Variants in KLRG1 observed in about 807,000 individuals in gnomAD.
The protein encoded by KLRG1 is killer cell lectin-like receptor subfamily G member 1.
A neutral mutation model predicts 21.8 loss-of-function variants in KLRG1; 16 were observed. That is an observed-to-expected ratio of 0.73 (90% CI 0.50 to 1.11). The LOEUF is 1.11. Among genes scored for constraint, KLRG1 ranks in the 50% most tolerant of loss-of-function variants. The pLI, the probability that KLRG1 is intolerant of heterozygous loss-of-function variation, is 0.00. For synonymous variants in KLRG1, 69 were observed against 75.9 expected (o/e 0.91, Z 0.47); for missense variants, 173 against 218.3 (o/e 0.79, Z 1.31).
chr12:9,205,111 G>T, the KLRG1 span, among the ~76,000 whole-genome samples: 1 of 151,934 alleles, frequency 6.6e-6, no homozygotes, highest in Non-Finnish European at 1.5e-5. Context: ...ACAAAACAAA[G>T]TTTATATGAG....
At chr12:9,204,557 G>A in the KLRG1 span, among the ~76,000 whole-genome samples, 1 of 152,132 alleles carries the variant, frequency 6.6e-6, no homozygotes, top group African/African-American at 2.4e-5. Flanking sequence ...AGGCTCCTCA[G>A]ATACAGCTCA....
chr12:8,957,665 A>G (rs1310929473), intron 1 of KLRG1, among the ~76,000 whole-genome samples: 1 of 152,080 alleles, frequency 6.6e-6, no homozygotes, highest in Admixed American at 6.6e-5. Flanking sequence ...GGCCATTATT[A>G]AGTAAAATAA....
the KLRG1 span, among the ~76,000 whole-genome samples, chr12:9,211,248 C>T: frequency 6.6e-6 from 1 of 152,072 alleles, no homozygotes; most frequent in Admixed American, 6.6e-5. Flanking sequence ...TATTTGCATG[C>T]TTGATGGTAT....
the KLRG1 span, among the ~76,000 whole-genome samples, chr12:9,195,298 T>A: frequency 6.6e-6 from 1 of 152,126 alleles, no homozygotes; most frequent in Non-Finnish European, 1.5e-5. Flanking sequence ...TCCATAAATG[T>A]TAGTTACTAA....
In KLRG1 at chr12:8,950,603, G is replaced by A. The variant is rs140801710; in HGVS notation, c.-156+367G>A. ...GTTTTCATTCCGCTTCCACTCTTAC[G>A]TTGCTTCTATGTGTGCCTCTCTGGC... is the stretch of plus-strand genomic sequence containing the variant. On this transcript the variant is annotated intron_variant, in intron 1 of 4. Transcript: ENST00000539240. 1.6e-4 allele frequency among the ~76,000 whole-genome samples: 24 copies of A among 152,066 alleles called. 2 individuals carry two copies. In the East Asian group the frequency reaches 4.6e-3, roughly 29 times the overall value.
chr12:8,951,841 C>T (rs1018567053), intron 1 of KLRG1, among the ~76,000 whole-genome samples: 3 of 152,130 alleles, frequency 2.0e-5, no homozygotes, highest in Non-Finnish European at 2.9e-5. Context: ...AGGAACTGTT[C>T]ATGTTGGAAA....
At chr12:9,198,890 C>T in the KLRG1 span, among the ~76,000 whole-genome samples, 3 of 152,112 alleles carry the variant, frequency 2.0e-5, no homozygotes, top group East Asian at 1.9e-4. Context: ...GAGATCTAGG[C>T]GTTTTGGTGT....
chr12:8,991,767 C>T (rs1592263953), intron 1 of KLRG1, among the ~76,000 whole-genome samples: 1 of 152,178 alleles, frequency 6.6e-6, no homozygotes, highest in East Asian at 1.9e-4. Context: ...TCAGTCTTCT[C>T]CTCCTACAAA....
the KLRG1 span, chr12:9,196,744 T>A: frequency 7.1e-7 from 1 of 1,404,296 alleles, no homozygotes; most frequent in Non-Finnish European, 1.0e-6. Context: ...AGTCACTGAA[T>A]CTACTATTCT....
the KLRG1 span, chr12:9,098,705 G>A: frequency 1.2e-6 from 2 of 1,612,728 alleles, no homozygotes; most frequent in Non-Finnish European, 1.7e-6. Flanking sequence ...GTGACTCGCA[G>A]GTGGGCGTGT....
At position 9,008,983 on chromosome 12, in the gene KLRG1, C is replaced by T. The variant is rs1441246458; in HGVS notation, c.366C>T (p.Leu122=). 6.2e-6 allele frequency: 10 copies of T among 1,613,146 alleles called. No homozygotes were observed. The highest frequency in any genetic ancestry group is 8.5e-6 in the Non-Finnish European group (10 of 1,179,658). The change falls in exon 4 of 5, where the codon CTC becomes CTT. Residue 122 remains leucine (L), a synonymous_variant. Transcript: ENST00000356986. ...TTCAACCTCTCCCTTAGAGCCTGCT[C>T]CAAGTTTTCCTCAGTGAGGCCTTTT... The part of the protein sequence containing the change: ...VITDNQEMSL[L]QVFLSEAFCW...
chr12:9,173,529 T>C, the KLRG1 span, among the ~76,000 whole-genome samples: 1 of 151,208 alleles, frequency 6.6e-6, no homozygotes. Flanking sequence ...AAACAATGAA[T>C]CCAGGAGCTG....
the KLRG1 span, among the ~76,000 whole-genome samples, chr12:9,118,065 C>T: frequency 6.6e-6 from 1 of 151,930 alleles, no homozygotes; most frequent in African/African-American, 2.4e-5. Flanking sequence ...GAGTCATGAC[C>T]AGGATTTTAA....
At chr12:9,196,640 G>A in the KLRG1 span, 21 of 1,613,636 alleles carry the variant, frequency 1.3e-5, no homozygotes, top group Non-Finnish European at 1.8e-5. Context: ...GTAATCTGGA[G>A]CATTTTGGTG....
chr12:9,196,523 G>A, the KLRG1 span: 10 of 1,571,886 alleles, frequency 6.4e-6, no homozygotes, highest in Admixed American at 1.7e-4. Flanking sequence ...ATTTTGTTAT[G>A]GAAAGTAAAC....
the KLRG1 span, chr12:9,164,086 C>T: frequency 6.4e-7 from 1 of 1,565,014 alleles, no homozygotes. Context: ...ACTCAGACAG[C>T]CACCGTCCTT....
the KLRG1 span, chr12:9,036,738 G>T: frequency 3.1e-6 from 1 of 320,562 alleles, no homozygotes; most frequent in South Asian, 3.4e-5. Flanking sequence ...TTGCAAGAGG[G>T]ACTGCATAAA....
the KLRG1 span, among the ~76,000 whole-genome samples, chr12:9,017,561 A>G: frequency 1.3e-5 from 2 of 152,184 alleles, no homozygotes; most frequent in Non-Finnish European, 2.9e-5. Context: ...ATAAAATTCA[A>G]CATCCTTTCA....
the KLRG1 span, chr12:9,152,905 A>G: frequency 6.2e-7 from 1 of 1,614,134 alleles, no homozygotes; most frequent in South Asian, 1.1e-5. Flanking sequence ...TTTTAAAGCA[A>G]ATGGGGAGTC....
Sources: allele counts gnomAD v4.1 joint callset (sites outside exome capture counted in the v4.1 genomes callset), GRCh38; gene constraint gnomAD v4.1.1; transcripts MANE v1.5; gene names NCBI Gene and HGNC (gene_info 2026-07-23, HGNC 2026-07-21).